Variants in MCCC2 observed in about 807,000 individuals in gnomAD.
MCCC2 encodes the protein methylcrotonyl-CoA carboxylase subunit 2, also known as methylcrotonoyl-CoA carboxylase beta chain, mitochondrial.
A neutral mutation model predicts 77.2 loss-of-function variants in MCCC2; 52 were observed. That is an observed-to-expected ratio of 0.67 (90% confidence interval 0.54 to 0.85). MCCC2 has a LOEUF of 0.85. Among genes scored for constraint, MCCC2 ranks in the 40% least tolerant of loss-of-function variants. The probability of loss-of-function intolerance (pLI) is 0.00; values close to 1 mark genes in which losing one functional copy is unlikely to be tolerated. For missense variants in MCCC2, 682 were observed against 703.2 expected, an observed-to-expected ratio of 0.97 and a Z score of 0.34; for synonymous variants, 253 against 248.4, an observed-to-expected ratio of 1.02 and a Z score of -0.18.
intron 8 of MCCC2, among the ~76,000 whole-genome samples, chr5:71,633,388 A>G (rs185424387): frequency 6.6e-6 from 1 of 151,992 alleles, no homozygotes; most frequent in African/African-American, 2.4e-5. Flanking sequence ...ACTTAGACAA[A>G]CTGCTTACCC....
At position 71,589,833 on chromosome 5, in the gene MCCC2, G is replaced by A. The variant is rs373741924; in HGVS notation, c.129+2279G>A. Among the ~76,000 whole-genome samples, 5 of 152,148 alleles carry A rather than the reference G, an allele frequency of 3.3e-5. No individual in the cohort carries two copies. In the East Asian group the frequency reaches 9.6e-4, roughly 29 times the overall value. On this transcript the variant is annotated intron_variant, in intron 1 of 16. Transcript: ENST00000340941. ...ATAGATGGGAAAACTGTGGTATATA[G>A]GGTCCAAGAAATTTGTCTGAGATAA...
At chr5:71,603,430 A>G (rs1328763282) in intron 5 of MCCC2, among the ~76,000 whole-genome samples, 3 of 151,206 alleles carry the variant, frequency 2.0e-5, no homozygotes, top group African/African-American at 4.9e-5. Flanking sequence ...AAAAAAAAAA[A>G]AAAAAAAAAT....
Position 71,636,092 on chromosome 5 carries a change from C to A in MCCC2, c.999+846C>A, listed in dbSNP as rs776608467. On this transcript the variant is annotated intron_variant, in intron 10 of 16. Coordinates refer to ENST00000340941, the MANE Select transcript of MCCC2 (RefSeq NM_022132.5). ...TCTAGTTTAAATTATAAACATTTTC[C>A]CATGTCTTTAGAAATTCTTCATGAA... The A allele has an allele frequency of 7.0e-5, 28 of 402,272 alleles. No individual in the cohort carries two copies. The Middle Eastern group carries it at 1.4e-3, about 21-fold the overall frequency. The allele number at this position is 402,272 out of a possible 1,614,324, so 24.9% of individuals were successfully genotyped here.
chr5:71,628,859 A>G (rs1462836871), intron 7 of MCCC2, among the ~76,000 whole-genome samples: 2 of 152,198 alleles, frequency 1.3e-5, no homozygotes, highest in Non-Finnish European at 2.9e-5. Flanking sequence ...ATACGAAAAT[A>G]CTGCTTAAAA....
chr5:71,592,681 G>A (rs1745025255), intron 1 of MCCC2, among the ~76,000 whole-genome samples: 1 of 152,104 alleles, frequency 6.6e-6, no homozygotes, highest in African/African-American at 2.4e-5. Flanking sequence ...GCTTACAGAG[G>A]AGTAAGATAT....
At chr5:71,617,565 T>G (rs951456829) in intron 6 of MCCC2, among the ~76,000 whole-genome samples, 6 of 152,226 alleles carry the variant, frequency 3.9e-5, no homozygotes, top group African/African-American at 1.4e-4. Context: ...TATTGAGTGG[T>G]TCTGTTTCCT....
intron 13 of MCCC2, among the ~76,000 whole-genome samples, chr5:71,646,981 C>T (rs1194306509): frequency 1.3e-5 from 2 of 152,112 alleles, no homozygotes; most frequent in Non-Finnish European, 2.9e-5. Context: ...AATGGTATGA[C>T]CAAAGTGAGA....
intron 16 of MCCC2, among the ~76,000 whole-genome samples, chr5:71,653,656 C>T (rs1410612610): frequency 2.0e-5 from 3 of 151,946 alleles, no homozygotes; most frequent in Non-Finnish European, 2.9e-5. Context: ...TCGAAACTAG[C>T]GGGGCAACAT....
intron 8 of MCCC2, among the ~76,000 whole-genome samples, chr5:71,634,636 G>A (rs1746853726): frequency 6.6e-6 from 1 of 152,224 alleles, no homozygotes; most frequent in South Asian, 2.1e-4. Context: ...CCTTGGTCTA[G>A]CAGAGGAAGG....
At chr5:71,656,635 A>G in intron 16 of MCCC2, 108 bp from the exon 17 acceptor site, 1 of 833,532 alleles carries the variant, frequency 1.2e-6, no homozygotes. Flanking sequence ...TAATCAGTAG[A>G]TCCATATATT....
chr5:71,593,084 T>G lies in MCCC2; in HGVS notation c.196+92T>G, dbSNP rs564628656. 6.7e-5 allele frequency: 77 copies of G among 1,156,188 alleles called. 2 individuals carry two copies. The South Asian group carries it at 8.8e-4, about 13-fold the overall frequency. 71.6% of individuals were successfully genotyped at this position (1,156,188 alleles called of 1,614,324 possible). ...TAGGAAAAATACTGGAATTAAGCTT[T>G]TGATATTTTTTTTTTTTTTTTGAGA... On this transcript the variant is annotated intron_variant, in intron 2 of 16. Transcript: ENST00000340941.
intron 2 of MCCC2, 34 bp from the exon 3 acceptor site, chr5:71,596,246 A>G (rs1452348222): frequency 1.3e-6 from 2 of 1,568,758 alleles, no homozygotes; most frequent in Non-Finnish European, 1.8e-6. Context: ...TTATCGTGTC[A>G]ATCTAATCTA....
At chr5:71,640,914 C>T (rs1304404673) in intron 10 of MCCC2, 89 bp from the exon 11 acceptor site, 2 of 1,134,118 alleles carry the variant, frequency 1.8e-6, no homozygotes, top group Non-Finnish European at 2.7e-6. Flanking sequence ...GTGACAACTT[C>T]ACTGTGAATT....
chr5:71,644,991 CTA>C (rs1747238518), intron 12 of MCCC2, among the ~76,000 whole-genome samples: 1 of 151,746 alleles, frequency 6.6e-6, no homozygotes, highest in Admixed American at 6.6e-5. Context: ...AATTGATATG[CTA>C]TATATAGAGA....
chr5:71,636,864 C>T (rs1003348406), intron 10 of MCCC2, among the ~76,000 whole-genome samples: 5 of 151,868 alleles, frequency 3.3e-5, no homozygotes, highest in African/African-American at 1.2e-4. Flanking sequence ...CTGCCTCAGC[C>T]TCCCGAGTAG....
chr5:71,588,746 T>C (rs1452163336), intron 1 of MCCC2, among the ~76,000 whole-genome samples: 2 of 152,104 alleles, frequency 1.3e-5, no homozygotes, highest in Non-Finnish European at 2.9e-5. Context: ...TAAGACTGTA[T>C]AAACCAAGAG....
chr5:71,632,697 CA>C (rs144831148), intron 8 of MCCC2, among the ~76,000 whole-genome samples: 3,116 of 152,152 alleles, frequency 0.02, 108 homozygotes, highest in African/African-American at 0.071. Flanking sequence ...TGGCATTTGC[CA>C]ATTTCTGTGG....
In MCCC2 at chr5:71,602,519, A is replaced by G. The variant is rs200797917; in HGVS notation, c.397A>G (p.Ile133Val). Residue 133 changes from isoleucine to valine, a missense_variant, in exon 5 of 17, where the codon ATT becomes GTT. Coordinates refer to ENST00000340941, the MANE Select transcript of MCCC2 (RefSeq NM_022132.5). ...IGRVSGVECM[I>V]IANDATVKGG... ...TCTGCCTTTCAGAGTAGAATGCATG[A>G]TTATTGCCAATGATGCCACCGTCAA... The G allele has an allele frequency of 3.7e-6, 6 of 1,614,140 alleles. No homozygotes were observed. Among genetic ancestry groups the G allele is most frequent in the Non-Finnish European group, 5.1e-6 (6 of 1,180,034 alleles).
intron 7 of MCCC2, among the ~76,000 whole-genome samples, chr5:71,628,987 C>G (rs1446784009): frequency 6.6e-6 from 1 of 152,144 alleles, no homozygotes; most frequent in African/African-American, 2.4e-5. Flanking sequence ...GGGTGGATCA[C>G]TTGAGATCAG....
Sources: allele counts gnomAD v4.1 joint callset (sites outside exome capture counted in the v4.1 genomes callset), GRCh38; gene constraint gnomAD v4.1.1; transcripts MANE v1.5; gene names NCBI Gene and HGNC (gene_info 2026-07-23, HGNC 2026-07-21).